The following CLUL1 variants were observed in gnomAD, a reference collection of about 807,000 sequenced individuals.
CLUL1 encodes the protein clusterin-like protein 1.
In CLUL1, 43 loss-of-function variants were observed where a neutral mutation model predicts 49.4. That is an observed-to-expected ratio of 0.87 (90% CI 0.68 to 1.12). The LOEUF (loss-of-function observed/expected upper bound fraction) is 1.12. CLUL1 is among the 50% of genes most tolerant of loss of function. The probability of loss-of-function intolerance (pLI) is 0.00; values close to 1 mark genes in which losing one functional copy is unlikely to be tolerated. For missense variants in CLUL1, 486 were observed against 544.4 expected (o/e 0.89, Z 1.07); for synonymous variants, 192 against 184.9 (o/e 1.04, Z -0.31).
rs781006973 is a variant in CLUL1, at chr18:624,882, G to C, written c.273G>C (p.Leu91=). The change falls in exon 5 of 10, where the codon CTG becomes CTC. Residue 91 remains leucine (L), a synonymous_variant. Coordinates refer to ENST00000692774, the MANE Select transcript of CLUL1 (RefSeq NM_001393344.1). ...TTAACTAGGAGGCCCTGAAACTTCTGAATGAAGTTCAAGAACATCTGGAGG... is the reference window on the plus strand; with the variant it reads ...TTAACTAGGAGGCCCTGAAACTTCTCAATGAAGTTCAAGAACATCTGGAGG... ...REEKQEALKL[L]NEVQEHLEEE... 4.3e-6 allele frequency: 7 copies of C among 1,613,786 alleles called. No homozygotes were observed. In the East Asian group the frequency reaches 1.6e-4, roughly 36 times the overall value.
At chr18:634,388 T>C (rs1477584481) in intron 7 of CLUL1, among the ~76,000 whole-genome samples, 2 of 152,194 alleles carry the variant, frequency 1.3e-5, no homozygotes, top group Non-Finnish European at 2.9e-5. Context: ...CACCTCGGCC[T>C]CCCAAAGTGC....
intron 2 of CLUL1, among the ~76,000 whole-genome samples, chr18:609,320 C>T (rs543970183): frequency 3.9e-5 from 6 of 152,296 alleles, no homozygotes; most frequent in African/African-American, 9.6e-5. Flanking sequence ...CATTTTCTTA[C>T]ACTTATTCAC....
At chr18:611,437 G>A (rs1409788338) in intron 2 of CLUL1, among the ~76,000 whole-genome samples, 1 of 152,008 alleles carries the variant, frequency 6.6e-6, no homozygotes, top group Non-Finnish European at 1.5e-5. Flanking sequence ...GGTGGCTCCA[G>A]CGTGTCATCC....
chr18:635,862 G>A (rs914588571), intron 7 of CLUL1, among the ~76,000 whole-genome samples: 3 of 152,078 alleles, frequency 2.0e-5, no homozygotes, highest in African/African-American at 7.2e-5. Flanking sequence ...TCAGCCTCCT[G>A]AGTAGCTGGG....
intron 7 of CLUL1, among the ~76,000 whole-genome samples, chr18:638,314 A>G (rs2074218109): frequency 6.6e-6 from 1 of 152,178 alleles, no homozygotes; most frequent in South Asian, 2.1e-4. Context: ...ATTTCTTTCT[A>G]CCCAGCTAAA....
At chr18:612,950 C>T (rs747570411) in intron 2 of CLUL1, 3 of 219,788 alleles carry the variant, frequency 1.4e-5, no homozygotes, top group Non-Finnish European at 2.7e-5. Flanking sequence ...TATTTATATA[C>T]ATCCTAATCA....
Position 624,914 on chromosome 18 carries a change from A to C in CLUL1, c.305A>C (p.Glu102Ala). ...NEVQEHLEEEERLCRESLADS... is the reference protein window; with the variant it reads ...NEVQEHLEEEARLCRESLADS... ...GTTCAAGAACATCTGGAGGAAGAAGAAAGGCTATGCCGGGAGTCTTTGGCA... is the reference window on the plus strand; with the variant it reads ...GTTCAAGAACATCTGGAGGAAGAAGCAAGGCTATGCCGGGAGTCTTTGGCA... Residue 102 changes from glutamate to alanine, a missense_variant, in exon 5 of 10, where the codon GAA (glutamate) becomes GCA (alanine). Transcript: ENST00000692774. 6.2e-7 allele frequency: 1 copy of C among 1,614,198 alleles called. No individual in the cohort carries two copies. The highest frequency in any genetic ancestry group is 1.1e-5 in the South Asian group (1 of 91,080).
chr18:613,872 C>T (rs1389208892), intron 2 of CLUL1, among the ~76,000 whole-genome samples: 1 of 152,182 alleles, frequency 6.6e-6, no homozygotes, highest in African/African-American at 2.4e-5. Flanking sequence ...AATCTCTAAG[C>T]AAGATAGAGT....
Position 645,002 on chromosome 18 carries a change from C to G in CLUL1, c.1302C>G (p.Leu434=), listed in dbSNP as rs1360413699. 3 of 1,613,642 alleles carry G rather than the reference C, an allele frequency of 1.9e-6. No individual in the cohort carries two copies. The highest frequency in any genetic ancestry group is 8.5e-7 in the Non-Finnish European group (1 of 1,179,724). The change falls in exon 9 of 10, where the codon CTC becomes CTG. Residue 434 remains leucine (L), a synonymous_variant. Transcript: ENST00000692774. The part of the protein sequence containing the change: ...LSILPSSNFT[L]KIPLEESAES... ...TTCTGCCTTCCTCTAATTTCACACT[C>G]AAGATCCCTCTTGAAGAAAGTGCTG...
At chr18:628,697 T>C (rs2073890270) in intron 6 of CLUL1, among the ~76,000 whole-genome samples, 1 of 149,204 alleles carries the variant, frequency 6.7e-6, no homozygotes, top group South Asian at 2.2e-4. Flanking sequence ...ATTGGTGTGA[T>C]CTCGGCTCAC....
chr18:633,541 C>A, intron 7 of CLUL1, 106 bp downstream of exon 7: 3 of 1,042,424 alleles, frequency 2.9e-6, no homozygotes, highest in South Asian at 1.6e-5. Flanking sequence ...ATAAAATTTT[C>A]TTTTTAATTC....
In CLUL1 at chr18:633,423, C is replaced by T. The variant is rs1356517197; in HGVS notation, c.982C>T (p.His328Tyr). The T allele has an allele frequency of 2.5e-6, 4 of 1,613,614 alleles. No homozygotes were observed. The highest frequency in any genetic ancestry group is 2.2e-5 in the East Asian group (1 of 44,870). ...FHEKCQKCQA[H>Y]LSEDCPDVPA... is the part of the protein sequence containing the mutation. ...TGAAAAATGCCAAAAATGTCAGGCT[C>T]ACCTATCTGAAGGTAAATAATTGCT... The change falls in exon 7 of 10, where the codon CAC (histidine) becomes TAC (tyrosine). Residue 328 changes from histidine (H) to tyrosine (Y), a missense_variant. Physicochemically the swap from His to Tyr is moderately conservative, Grantham distance 83 (BLOSUM62 2). Transcript: ENST00000692774.
chr18:614,954 G>A (rs796464128), intron 2 of CLUL1, among the ~76,000 whole-genome samples: 28 of 152,342 alleles, frequency 1.8e-4, no homozygotes, highest in African/African-American at 6.3e-4. Context: ...TTATGGCCAT[G>A]CATCTAAGAT....
At chr18:626,919 GAA>G (rs368034763) in intron 5 of CLUL1, among the ~76,000 whole-genome samples, 176 bp from the exon 6 acceptor site, 433 of 24,146 alleles carry the variant, frequency 0.018, 97 homozygotes, top group African/African-American at 0.073. Flanking sequence ...AAGAAAGAAA[GAA>G]AGAAAGAAGG....
At chr18:602,682 AG>A (rs1368291104) in intron 1 of CLUL1, among the ~76,000 whole-genome samples, 1 of 152,228 alleles carries the variant, frequency 6.6e-6, no homozygotes, top group East Asian at 1.9e-4. Context: ...GGTATACACA[AG>A]TAGAATGGGG....
intron 2 of CLUL1, among the ~76,000 whole-genome samples, chr18:613,579 C>A (rs943846289): frequency 6.6e-6 from 1 of 151,542 alleles, no homozygotes; most frequent in Non-Finnish European, 1.5e-5. Flanking sequence ...CTCAGCCTCC[C>A]GAGTAGCCAA....
intron 1 of CLUL1, chr18:598,107 A>C (rs757861535): frequency 9.1e-5 from 14 of 153,554 alleles, no homozygotes; most frequent in African/African-American, 3.4e-4. Flanking sequence ...CAAACTCAAC[A>C]TTAATGCAAC....
At chr18:609,823 CAAAAAA>C (rs10550407) in intron 2 of CLUL1, among the ~76,000 whole-genome samples, 3 of 100,730 alleles carry the variant, frequency 3.0e-5, no homozygotes, top group Non-Finnish European at 2.1e-5. Context: ...GACTCTGTCT[CAAAAAA>C]AAAAAAAAAA....
intron 9 of CLUL1, among the ~76,000 whole-genome samples, chr18:646,171 C>CA (rs1387882088): frequency 6.6e-6 from 1 of 151,426 alleles, no homozygotes; most frequent in Non-Finnish European, 1.5e-5. Flanking sequence ...GATATTTGCT[C>CA]AAAAAATGCG....
Sources: allele counts gnomAD v4.1 joint callset (sites outside exome capture counted in the v4.1 genomes callset), GRCh38; gene constraint gnomAD v4.1.1; transcripts MANE v1.5; gene names NCBI Gene and HGNC (gene_info 2026-07-23, HGNC 2026-07-21).